Variants in ZC4H2 observed in about 807,000 individuals in gnomAD.
ZC4H2 encodes the protein zinc finger C4H2 domain-containing protein.
For missense variants in ZC4H2, 137 were observed against 173.9 expected (o/e 0.79, Z 1.19); for synonymous variants, 84 against 66.3 (o/e 1.27, Z -1.30).
chrX:64,974,315 T>C (rs1321921705), intron 1 of ZC4H2, among the ~76,000 whole-genome samples: 2 of 112,197 alleles, frequency 1.8e-5, no homozygotes, highest in Non-Finnish European at 3.8e-5. Context: ...TCTGAGATTT[T>C]CTACATTATC....
chrX:65,003,528 C>T (rs10217968), intron 1 of ZC4H2, among the ~76,000 whole-genome samples: 13,719 of 110,856 alleles, frequency 0.12, 2,071 homozygotes, highest in African/African-American at 0.42. Context: ...AATAGATAGA[C>T]TGCTAGCGAG....
intron 1 of ZC4H2, among the ~76,000 whole-genome samples, chrX:65,026,216 A>T (rs1166731639): frequency 8.9e-6 from 1 of 112,315 alleles, no homozygotes; most frequent in Non-Finnish European, 1.9e-5. Flanking sequence ...TGAAGGGCAG[A>T]GTAGAAATAT....
intron 1 of ZC4H2, among the ~76,000 whole-genome samples, chrX:64,930,579 G>A (rs927589145): frequency 1.8e-5 from 2 of 111,634 alleles, no homozygotes; most frequent in Admixed American, 9.5e-5. Flanking sequence ...TTATAAAAAA[G>A]GGATAATTTT....
chrX:64,925,297 T>A (rs931829303), intron 1 of ZC4H2, among the ~76,000 whole-genome samples: 3 of 111,663 alleles, frequency 2.7e-5, no homozygotes, highest in Admixed American at 1.9e-4. Context: ...GGTTGAAAAA[T>A]TACCTATTGG....
At chrX:64,952,329 T>A (rs1187914500) in intron 1 of ZC4H2, among the ~76,000 whole-genome samples, 5 of 109,070 alleles carry the variant, frequency 4.6e-5, no homozygotes, top group South Asian at 4.0e-4. Context: ...TTCTTCCAAT[T>A]CTGTGAAGAA....
At chrX:64,948,115 C>A (rs943205392) in intron 1 of ZC4H2, among the ~76,000 whole-genome samples, 12 of 111,430 alleles carry the variant, frequency 1.1e-4, no homozygotes, top group Non-Finnish European at 2.1e-4. Context: ...ATCAGAGGAG[C>A]TAGAGATCTT....
intron 1 of ZC4H2, among the ~76,000 whole-genome samples, chrX:65,032,817 G>A (rs1050337697): frequency 1.1e-4 from 11 of 103,269 alleles, no homozygotes; most frequent in African/African-American, 2.5e-4. Flanking sequence ...TTGTTGTGTC[G>A]CCTAGATGGA....
intron 1 of ZC4H2, among the ~76,000 whole-genome samples, chrX:64,941,484 A>C (rs1352722276): frequency 8.9e-6 from 1 of 111,920 alleles, no homozygotes; most frequent in Non-Finnish European, 1.9e-5. Context: ...TTTCAAAGGG[A>C]ATGCTTCCAG....
In ZC4H2 at chrX:64,993,804, G is replaced by T. The variant is rs769586811; in HGVS notation, c.-272+40825C>A. On this transcript the variant is annotated intron_variant, in intron 1 of 4. Transcript: ENST00000337990. ...TTATTTCAGAATAATAAGAAGAAAT[G>T]TTTGAGCACTTATGTGCAAACACTC... Among the ~76,000 whole-genome samples the T allele has an allele frequency of 2.4e-3, 269 of 112,112 alleles. 15 individuals are homozygous for T. The highest frequency in any genetic ancestry group is 2.1e-3 in the Non-Finnish European group (110 of 53,258).
chrX:64,954,361 TATATATATATAATTATATATATTTATAA>T (rs1569215150), intron 1 of ZC4H2, among the ~76,000 whole-genome samples: 3 of 76,833 alleles, frequency 3.9e-5, no homozygotes, highest in African/African-American at 2.5e-4. Context: ...TATAATTATA[TATATATATATAATTATATATATTTATAA>T]TTATATATAT....
chrX:65,033,660 CT>C (rs1251169848), intron 1 of ZC4H2, among the ~76,000 whole-genome samples: 1 of 111,926 alleles, frequency 8.9e-6, no homozygotes, highest in African/African-American at 3.3e-5. Context: ...TTACTAAGCG[CT>C]TACTCTGAGC....
upstream of ZC4H2, among the ~76,000 whole-genome samples, chrX:64,981,173 C>T (rs1932075242): frequency 9.0e-6 from 1 of 110,810 alleles, no homozygotes; most frequent in Admixed American, 9.6e-5. Flanking sequence ...ACTGAGGAGA[C>T]AGTTTATGTC....
chrX:65,003,974 C>G (rs981502072), intron 1 of ZC4H2, among the ~76,000 whole-genome samples: 2 of 111,399 alleles, frequency 1.8e-5, no homozygotes, highest in African/African-American at 3.3e-5. Context: ...TGCAAATAAA[C>G]TAGAAAATCT....
intron 1 of ZC4H2, among the ~76,000 whole-genome samples, chrX:64,935,171 G>C (rs1045838326): frequency 1.8e-5 from 2 of 111,523 alleles, no homozygotes; most frequent in Non-Finnish European, 3.8e-5. Flanking sequence ...TCTGAGGCTT[G>C]AGTAGGCAGT....
chrX:64,982,950 A>T (rs1288392366), intron 1 of ZC4H2, among the ~76,000 whole-genome samples: 1 of 112,518 alleles, frequency 8.9e-6, no homozygotes, highest in Non-Finnish European at 1.9e-5. Flanking sequence ...CTATGAATGA[A>T]ACATCTGGTA....
At chrX:64,926,264 G>A (rs192440874) in intron 1 of ZC4H2, among the ~76,000 whole-genome samples, 75 of 111,810 alleles carry the variant, frequency 6.7e-4, no homozygotes, top group Admixed American at 3.0e-3. Flanking sequence ...ACTAAAGTTG[G>A]TCTACTCTTT....
At chrX:64,957,646 G>A (rs1032622682) in intron 1 of ZC4H2, among the ~76,000 whole-genome samples, 1 of 110,172 alleles carries the variant, frequency 9.1e-6, no homozygotes, top group Middle Eastern at 4.2e-3. Context: ...GATCGCTTGA[G>A]GCCAGGAGTT....
intron 1 of ZC4H2, among the ~76,000 whole-genome samples, chrX:64,927,021 T>C (rs1032419653): frequency 1.8e-5 from 2 of 112,136 alleles, no homozygotes; most frequent in Admixed American, 9.4e-5. Context: ...TCCGCAGACA[T>C]GTGGCTGAAA....
At chrX:65,024,114 G>A (rs1225407138) in intron 1 of ZC4H2, among the ~76,000 whole-genome samples, 4 of 110,146 alleles carry the variant, frequency 3.6e-5, no homozygotes, top group Non-Finnish European at 7.6e-5. Flanking sequence ...CGGCGGGTGG[G>A]GGGGCACTAG....
Sources: gnomAD v4.1 joint callset for allele counts (sites outside exome capture counted in the v4.1 genomes callset) on GRCh38, gnomAD v4.1.1 for gene constraint, MANE v1.5 for transcripts, NCBI Gene and HGNC (gene_info 2026-07-23, HGNC 2026-07-21) for gene names.